NCKAP1L: variants seen among roughly 807,000 people sequenced by gnomAD.
NCKAP1L encodes NCK associated protein 1 like, also known as nck-associated protein 1-like.
In NCKAP1L, 53 loss-of-function variants were observed where a neutral mutation model predicts 139.2. That is an observed-to-expected ratio of 0.38 (90% CI 0.31 to 0.48). The LOEUF (loss-of-function observed/expected upper bound fraction) is 0.48, where lower values mean the gene tolerates loss of function less well. Ranked by LOEUF, NCKAP1L falls within the 20% of genes least tolerant of loss-of-function variation. The pLI is 0.98. For missense variants in NCKAP1L, 1,151 were observed against 1,381.9 expected (o/e 0.83, Z 2.65); for synonymous variants, 468 against 499.7 (o/e 0.94, Z 0.85).
In NCKAP1L at chr12:54,526,641, T is replaced by G. The variant is rs1044959803; in HGVS notation, c.2270T>G (p.Phe757Cys). ...GGTTTCATACAGTCACTGGCCCAGT[T>G]TTTGGGTGCAGATGCTTCCAGAGTC... is the stretch of plus-strand genomic sequence containing the variant. ...YIGFIQSLAQ[F>C]LGADASRVIR... Residue 757 changes from phenylalanine to cysteine, a missense_variant, in exon 21 of 31, where the codon TTT (phenylalanine) becomes TGT (cysteine). By Grantham distance (205) the Phe-to-Cys change is radical (BLOSUM62 -2). Coordinates refer to ENST00000293373, the MANE Select transcript of NCKAP1L (RefSeq NM_005337.5). 6.2e-7 allele frequency: 1 copy of G among 1,614,026 alleles called. No homozygotes were observed. The highest frequency in any genetic ancestry group is 8.5e-7 in the Non-Finnish European group (1 of 1,180,044).
chr12:54,528,298 C>T lies in NCKAP1L; in HGVS notation c.2427C>T (p.Ser809=). 1 of 1,613,974 alleles carries T rather than the reference C, an allele frequency of 6.2e-7. No homozygotes were observed. Among genetic ancestry groups the T allele is most frequent in the Non-Finnish European group, 8.5e-7 (1 of 1,179,950 alleles). Reference sequence around the variant, plus strand: ...CAAGCAGTGGGACCATCATCCTCTCCCCAGCCATGCAGGCCTTCGTCAGCC... The same window carrying T: ...CAAGCAGTGGGACCATCATCCTCTCTCCAGCCATGCAGGCCTTCGTCAGCC... The part of the protein sequence containing the change: ...RQASSGTIIL[S]PAMQAFVSLP... The change falls in exon 22 of 31, where the codon TCC becomes TCT. Residue 809 remains serine (S), a synonymous_variant. Transcript: ENST00000293373.
intron 3 of NCKAP1L, among the ~76,000 whole-genome samples, chr12:54,506,579 A>T (rs1320366766): frequency 6.8e-6 from 1 of 147,304 alleles, no homozygotes. Context: ...GGCATGTGCC[A>T]CCACACCCAG....
intron 29 of NCKAP1L, among the ~76,000 whole-genome samples, chr12:54,538,038 C>T (rs1957126504): frequency 6.6e-6 from 1 of 152,172 alleles, no homozygotes; most frequent in Non-Finnish European, 1.5e-5. Flanking sequence ...TTCCCCTCTG[C>T]CTGCTTGAGC....
intron 3 of NCKAP1L, among the ~76,000 whole-genome samples, chr12:54,505,957 C>G (rs546250853): frequency 1.3e-5 from 2 of 152,196 alleles, no homozygotes; most frequent in African/African-American, 4.8e-5. Flanking sequence ...CCACGGCACC[C>G]GGCCTCAGTC....
At chr12:54,522,954 T>C (rs965280788) in intron 18 of NCKAP1L, among the ~76,000 whole-genome samples, 1 of 152,224 alleles carries the variant, frequency 6.6e-6, no homozygotes, top group Non-Finnish European at 1.5e-5. Flanking sequence ...TGTGGGTAAC[T>C]GTCTCATGAG....
At chr12:54,523,189 C>T (rs1363798240) in intron 18 of NCKAP1L, among the ~76,000 whole-genome samples, 2 of 152,074 alleles carry the variant, frequency 1.3e-5, no homozygotes, top group African/African-American at 4.8e-5. Context: ...AGAGCCTGTA[C>T]ACACAGAGAT....
chr12:54,531,669 C>G (rs548986670), intron 24 of NCKAP1L, 74 bp from the exon 25 acceptor site: 1 of 1,596,906 alleles, frequency 6.3e-7, no homozygotes, highest in East Asian at 2.2e-5. Context: ...GGAGGCTAGG[C>G]GGGGTCTGTA....
intron 1 of NCKAP1L, chr12:54,498,698 A>G: frequency 1.3e-6 from 1 of 743,468 alleles, no homozygotes; most frequent in Non-Finnish European, 1.6e-6. Context: ...GTGACACTGA[A>G]TCTTGTACAA....
Position 54,523,542 on chromosome 12 carries a change from G to A in NCKAP1L, c.2024+3G>A. On this transcript the variant is annotated splice_donor_region_variant and intron_variant, in intron 19 of 30. Transcript: ENST00000293373. Reference sequence around the variant, plus strand: ...AAGAACCGCAGCATTGTCACCAAGTGAGGACCTGGGCCCTAGATGGCCAGC... The same window carrying A: ...AAGAACCGCAGCATTGTCACCAAGTAAGGACCTGGGCCCTAGATGGCCAGC... 1.9e-6 allele frequency: 3 copies of A among 1,611,900 alleles called. No individual in the cohort carries two copies. The highest frequency in any genetic ancestry group is 2.5e-6 in the Non-Finnish European group (3 of 1,179,444).
intron 5 of NCKAP1L, 37 bp downstream of exon 5, chr12:54,508,568 TAC>T: frequency 6.2e-7 from 1 of 1,604,958 alleles, no homozygotes; most frequent in Non-Finnish European, 8.5e-7. Flanking sequence ...AAGAGTCTCA[TAC>T]ATGGTGCTAT....
intron 24 of NCKAP1L, 23 bp from the exon 25 acceptor site, chr12:54,531,720 C>G: frequency 6.2e-7 from 1 of 1,609,564 alleles, no homozygotes; most frequent in East Asian, 2.2e-5. Flanking sequence ...ATTATCTTTT[C>G]TAACACGCTT....
rs1481428468 is a variant in NCKAP1L, at chr12:54,535,999, T to G, written c.2957-130T>G. 6 of 676,238 alleles carry G rather than the reference T, an allele frequency of 8.9e-6. No individual in the cohort carries two copies. The Admixed American group carries it at 1.3e-4, about 15-fold the overall frequency. 41.9% of individuals were successfully genotyped at this position (676,238 alleles called of 1,614,324 possible). A position where few individuals can be genotyped will look rare whatever the true frequency, so the allele number is the denominator to read the frequency against. ...AGTAATAACTTGCCCATAGGCTTTA[T>G]AAAGTGTTTTCATGGATATTTTCTC... On this transcript the variant is annotated intron_variant, in intron 27 of 30. Transcript: ENST00000293373.
In NCKAP1L at chr12:54,526,574, G is replaced by A. The variant is rs779095429; in HGVS notation, c.2203G>A (p.Val735Ile). The A allele has an allele frequency of 5.6e-6, 9 of 1,613,926 alleles. No homozygotes were observed. Among genetic ancestry groups the A allele is most frequent in the Middle Eastern group, 1.6e-4 (1 of 6,062 alleles). ...AGYNATTQEI[V>I]RPSELLAGVK... Reference sequence around the variant, plus strand: ...CTACAATGCCACGACCCAGGAGATCGTACGGCCTTCTGAGCTGTTGGCAGG... The same window carrying A: ...CTACAATGCCACGACCCAGGAGATCATACGGCCTTCTGAGCTGTTGGCAGG... Residue 735 changes from valine (V) to isoleucine (I), a missense_variant, in exon 21 of 31, where the codon GTA (valine) becomes ATA (isoleucine). Coordinates refer to ENST00000293373, the MANE Select transcript of NCKAP1L (RefSeq NM_005337.5).
At chr12:54,513,140 A>T (rs1956901686) in intron 9 of NCKAP1L, among the ~76,000 whole-genome samples, 1 of 152,230 alleles carries the variant, frequency 6.6e-6, no homozygotes. Context: ...GCTGCATGGA[A>T]GAAAAGAAAT....
At chr12:54,517,784 G>A in intron 12 of NCKAP1L, 22 bp from the exon 13 acceptor site, 2 of 1,613,834 alleles carry the variant, frequency 1.2e-6, no homozygotes, top group Non-Finnish European at 1.7e-6. Context: ...ATTCATCTCT[G>A]TTCTCATCCT....
intron 10 of NCKAP1L, 150 bp downstream of exon 10, chr12:54,516,445 CTTTTCT>C: frequency 1.5e-6 from 1 of 668,250 alleles, no homozygotes; most frequent in South Asian, 2.0e-5. Flanking sequence ...TTTTTCTTTT[CTTTTCT>C]TTTTTTTTTT....
intron 9 of NCKAP1L, among the ~76,000 whole-genome samples, chr12:54,514,680 AG>A (rs1956917109): frequency 1.3e-5 from 2 of 152,294 alleles, no homozygotes; most frequent in East Asian, 3.9e-4. Context: ...GCTGAAGTAA[AG>A]GGTATGTACA....
rs1248765913 is a variant in NCKAP1L at position 54,523,943 on chromosome 12, G to A, written c.2143G>A (p.Ala715Thr). ...PSEYLSSHLE[A>T]RLNRAIVWLA... ...TGAGTACCTCAGCAGCCACCTGGAG[G>A]CCAGACTCAACAGGTATCACTCTTT... The change falls in exon 20 of 31, where the codon GCC becomes ACC. Residue 715 changes from alanine to threonine, a missense_variant. Physicochemically the swap from Ala to Thr is moderately conservative, Grantham distance 58. Transcript: ENST00000293373. The A allele has an allele frequency of 1.2e-6, 2 of 1,613,858 alleles. No homozygotes were observed. Among genetic ancestry groups the A allele is most frequent in the Non-Finnish European group, 1.7e-6 (2 of 1,179,886 alleles).
intron 3 of NCKAP1L, among the ~76,000 whole-genome samples, chr12:54,506,795 A>AT (rs1565672859): frequency 0.049 from 4,034 of 81,704 alleles, 82 homozygotes; most frequent in African/African-American, 0.056. Flanking sequence ...TAAAAAAAAA[A>AT]AATATATATA....
Sources: allele counts gnomAD v4.1 joint callset (sites outside exome capture counted in the v4.1 genomes callset), GRCh38; gene constraint gnomAD v4.1.1; transcripts MANE v1.5; gene names NCBI Gene and HGNC (gene_info 2026-07-23, HGNC 2026-07-21).